TMPRSS15: variants seen among roughly 807,000 people sequenced by gnomAD.
The protein encoded by TMPRSS15 is transmembrane serine protease 15.
In TMPRSS15, 128 loss-of-function variants were observed where a neutral mutation model predicts 125.3. The observed-to-expected ratio is 1.02, with a 90% CI of 0.89 to 1.18. The LOEUF (loss-of-function observed/expected upper bound fraction) is 1.18, where lower values mean the gene tolerates loss of function less well. TMPRSS15 is among the 50% of genes most tolerant of loss of function. The probability of loss-of-function intolerance (pLI) is 0.00; values close to 1 mark genes in which losing one functional copy is unlikely to be tolerated. For missense variants in TMPRSS15, 1,283 were observed against 1,212.7 expected (o/e 1.06, Z -0.86); for synonymous variants, 446 against 423.2 (o/e 1.05, Z -0.66).
At chr21:18,327,354 A>G (rs1366920685) in intron 15 of TMPRSS15, among the ~76,000 whole-genome samples, 2 of 152,222 alleles carry the variant, frequency 1.3e-5, no homozygotes, top group Non-Finnish European at 2.9e-5. Context: ...TCTAAAATAG[A>G]AAAACTATTT....
At chr21:18,388,785 G>A (rs574505840) in intron 3 of TMPRSS15, among the ~76,000 whole-genome samples, 13 of 152,208 alleles carry the variant, frequency 8.5e-5, no homozygotes, top group South Asian at 2.1e-4. Context: ...AAACTTTCCC[G>A]TGTAATGTTA....
Position 18,270,012 on chromosome 21 carries a change from C to T in TMPRSS15, c.3017G>A (p.Arg1006Lys), listed in dbSNP as rs1439829621. The change falls in exon 25 of 25, where the codon AGG becomes AAG. Residue 1006 changes from arginine (R) to lysine (K), a missense_variant. Arg to Lys is a conservative substitution (Grantham distance 26). Transcript: ENST00000284885. Reference sequence around the variant, plus strand: ...TATCCATTCGGTAAACCTTGAGACCCTGGCATACACTCCGGGGCGATTAGG... The same window carrying T: ...TATCCATTCGGTAAACCTTGAGACCTTGGCATACACTCCGGGGCGATTAGG... The part of the protein sequence containing the change: ...ALPNRPGVYA[R>K]VSRFTEWIQS... 6.2e-7 allele frequency: 1 copy of T among 1,613,780 alleles called. No individual in the cohort carries two copies. Among genetic ancestry groups the T allele is most frequent in the Non-Finnish European group, 8.5e-7 (1 of 1,179,870 alleles).
At chr21:18,277,261 A>G (rs2074633581) in intron 23 of TMPRSS15, among the ~76,000 whole-genome samples, 1 of 152,132 alleles carries the variant, frequency 6.6e-6, no homozygotes, top group South Asian at 2.1e-4. Flanking sequence ...AATCAGACAT[A>G]TATCTTTAGT....
chr21:18,335,760 G>A (rs555344376), intron 13 of TMPRSS15, among the ~76,000 whole-genome samples: 1 of 152,264 alleles, frequency 6.6e-6, no homozygotes, highest in East Asian at 1.9e-4. Flanking sequence ...TTTTAATGGT[G>A]ATGTTGTTCT....
chr21:18,445,191 A>G (rs1159458800), intron 1 of TMPRSS15, among the ~76,000 whole-genome samples: 1 of 136,290 alleles, frequency 7.3e-6, no homozygotes, highest in Non-Finnish European at 1.6e-5. Context: ...CCATTCTTGC[A>G]TTGGTATATA....
intron 17 of TMPRSS15, 30 bp downstream of exon 17, chr21:18,315,116 T>C (rs751547343): frequency 1.9e-6 from 3 of 1,557,280 alleles, no homozygotes; most frequent in African/African-American, 2.7e-5. Context: ...GCTAAAGTCA[T>C]AAAAGTATTT....
At chr21:18,453,037 C>A (rs966033395) in intron 1 of TMPRSS15, among the ~76,000 whole-genome samples, 3 of 152,170 alleles carry the variant, frequency 2.0e-5, no homozygotes, top group Non-Finnish European at 2.9e-5. Flanking sequence ...CAGCATATTT[C>A]TAGAGCTTAC....
At chr21:18,369,179 A>G (rs984471210) in intron 6 of TMPRSS15, among the ~76,000 whole-genome samples, 1 of 152,178 alleles carries the variant, frequency 6.6e-6, no homozygotes, top group Non-Finnish European at 1.5e-5. Context: ...CTGTAATAGG[A>G]TGGAACACAT....
intron 16 of TMPRSS15, among the ~76,000 whole-genome samples, chr21:18,317,532 G>C (rs910861189): frequency 6.6e-6 from 1 of 152,102 alleles, no homozygotes; most frequent in Non-Finnish European, 1.5e-5. Flanking sequence ...TTGCCTGAAA[G>C]AAGCAAGGTC....
chr21:18,459,846 T>C (rs1382989001), intron 1 of TMPRSS15, among the ~76,000 whole-genome samples: 1 of 152,186 alleles, frequency 6.6e-6, no homozygotes, highest in Non-Finnish European at 1.5e-5. Context: ...ATTTTGATTA[T>C]CTAAAATTGG....
At chr21:18,331,934 A>G (rs2075349217) in intron 14 of TMPRSS15, 150 bp downstream of exon 14, 1 of 696,248 alleles carries the variant, frequency 1.4e-6, no homozygotes, top group Admixed American at 2.1e-5. Context: ...AATTATTGTT[A>G]TTTTTGTTGT....
intron 1 of TMPRSS15, among the ~76,000 whole-genome samples, chr21:18,481,576 C>A (rs531094805): frequency 6.6e-6 from 1 of 151,706 alleles, no homozygotes; most frequent in Admixed American, 6.6e-5. Flanking sequence ...AAAAATAAAA[C>A]CTACAGAAGA....
upstream of TMPRSS15, among the ~76,000 whole-genome samples, chr21:18,407,143 A>T (rs1295643415): frequency 1.3e-5 from 2 of 152,162 alleles, no homozygotes; most frequent in African/African-American, 4.8e-5. Context: ...AATCCGTATG[A>T]TGGTTACTTC....
chr21:18,432,348 GA>G (rs1295541322), intron 1 of TMPRSS15, among the ~76,000 whole-genome samples: 1 of 152,104 alleles, frequency 6.6e-6, no homozygotes, highest in Non-Finnish European at 1.5e-5. Context: ...GAAAATAATA[GA>G]ATCTTACTTT....
chr21:18,348,541 C>T (rs569133596), intron 10 of TMPRSS15, among the ~76,000 whole-genome samples: 1 of 152,096 alleles, frequency 6.6e-6, no homozygotes, highest in Admixed American at 6.5e-5. Context: ...AAAGCTTAAA[C>T]TGATGCATGG....
intron 1 of TMPRSS15, among the ~76,000 whole-genome samples, chr21:18,441,514 G>A (rs1341987548): frequency 7.5e-5 from 11 of 147,176 alleles, no homozygotes; most frequent in Non-Finnish European, 5.9e-5. Flanking sequence ...GGCTGAGGCA[G>A]AAGAATCACT....
At chr21:18,332,037 T>G (rs1039693678) in intron 14 of TMPRSS15, 47 bp downstream of exon 14, 1 of 1,538,662 alleles carries the variant, frequency 6.5e-7, no homozygotes, top group Non-Finnish European at 9.0e-7. Flanking sequence ...AGATCTACAT[T>G]TCATATGGAC....
At chr21:18,413,707 C>T (rs1309828120) in intron 1 of TMPRSS15, among the ~76,000 whole-genome samples, 3 of 151,292 alleles carry the variant, frequency 2.0e-5, no homozygotes, top group East Asian at 1.9e-4. Flanking sequence ...AGATTACAGG[C>T]GTGAGCCACC....
chr21:18,477,600 C>A (rs1327649471), intron 1 of TMPRSS15: 1 of 152,062 alleles, frequency 6.6e-6, no homozygotes, highest in African/African-American at 2.4e-5. Flanking sequence ...TTAAGAAACT[C>A]AAGTGACAGA....
Sources: allele counts gnomAD v4.1 joint callset (sites outside exome capture counted in the v4.1 genomes callset), GRCh38; gene constraint gnomAD v4.1.1; transcripts MANE v1.5; gene names NCBI Gene and HGNC (gene_info 2026-07-23, HGNC 2026-07-21).